The following SCCPDH variants were observed in gnomAD, a reference collection of about 807,000 sequenced individuals.
SCCPDH encodes the protein saccharopine dehydrogenase (putative), also known as saccharopine dehydrogenase-like oxidoreductase.
In SCCPDH, 34 loss-of-function variants were observed where a neutral mutation model predicts 51.5. That is an observed-to-expected ratio of 0.66 (90% CI 0.50 to 0.88). SCCPDH has a LOEUF of 0.88. Ranked by LOEUF, SCCPDH falls within the 40% of genes least tolerant of loss-of-function variation. The probability of loss-of-function intolerance (pLI) is 0.00; values close to 1 mark genes in which losing one functional copy is unlikely to be tolerated. For missense variants in SCCPDH, 464 were observed against 527.1 expected, an observed-to-expected ratio of 0.88 and a Z score of 1.17; for synonymous variants, 187 against 191.3, an observed-to-expected ratio of 0.98 and a Z score of 0.19.
intron 3 of SCCPDH, among the ~76,000 whole-genome samples, chr1:246,738,761 C>T (rs986659846): frequency 1.3e-5 from 2 of 151,580 alleles, no homozygotes; most frequent in African/African-American, 4.9e-5. Flanking sequence ...GCTGAGGCAG[C>T]AGAATCGCTT....
intron 1 of SCCPDH, among the ~76,000 whole-genome samples, chr1:246,725,038 G>A (rs1668371590): frequency 6.6e-6 from 1 of 152,130 alleles, no homozygotes; most frequent in East Asian, 1.9e-4. Flanking sequence ...GGAGATCGGA[G>A]TCTCCCTTTG....
At chr1:246,725,745 T>G (rs1322409958) in intron 1 of SCCPDH, among the ~76,000 whole-genome samples, 3 of 152,174 alleles carry the variant, frequency 2.0e-5, no homozygotes, top group African/African-American at 7.2e-5. Context: ...TCCATTTCTT[T>G]TTTCGGCTCA....
intron 2 of SCCPDH, among the ~76,000 whole-genome samples, chr1:246,728,083 G>A (rs558575613): frequency 6.6e-6 from 1 of 152,268 alleles, no homozygotes; most frequent in Admixed American, 6.5e-5. Flanking sequence ...ATTTTCAAAG[G>A]AGAACGGCTT....
At position 246,766,046 on chromosome 1, in the gene SCCPDH, T is replaced by C. The variant is rs980379800; in HGVS notation, c.1103-12T>C. ...ATTCCTTTCTTTTTCCCTGATCAAC[T>C]GTTTTCTGCAGAGGCTGGCTATGTG... On this transcript the variant is annotated splice_polypyrimidine_tract_variant and intron_variant, in intron 10 of 11. Transcript: ENST00000366510. 1 of 1,584,702 alleles carries C rather than the reference T, an allele frequency of 6.3e-7. No individual in the cohort carries two copies. The highest frequency in any genetic ancestry group is 1.8e-5 in the Admixed American group (1 of 54,628).
At chr1:246,727,228 C>T (rs2102978840) in intron 2 of SCCPDH, among the ~76,000 whole-genome samples, 1 of 152,262 alleles carries the variant, frequency 6.6e-6, no homozygotes, top group Middle Eastern at 3.4e-3. Context: ...TGTGTGCTGG[C>T]TTGTTGATTG....
chr1:246,743,955 G>C, intron 4 of SCCPDH, 121 bp from the exon 5 acceptor site: 2 of 588,626 alleles, frequency 3.4e-6, no homozygotes, highest in South Asian at 2.4e-5. Flanking sequence ...CAAATTTTCT[G>C]TGTCAGCTGT....
chr1:246,767,092 C>T, intron 11 of SCCPDH, 103 bp from the exon 12 acceptor site: 2 of 659,932 alleles, frequency 3.0e-6, no homozygotes, highest in Non-Finnish European at 4.8e-6. Flanking sequence ...ACCATGAAGA[C>T]TTGGGTTTTC....
intron 5 of SCCPDH, among the ~76,000 whole-genome samples, chr1:246,748,897 A>G (rs1274732718): frequency 6.6e-6 from 1 of 152,230 alleles, no homozygotes; most frequent in Non-Finnish European, 1.5e-5. Context: ...ACCACCACGC[A>G]CCTGCTCGAG....
At chr1:246,757,538 T>G (rs1481355630) in intron 5 of SCCPDH, among the ~76,000 whole-genome samples, 1 of 151,786 alleles carries the variant, frequency 6.6e-6, no homozygotes. Flanking sequence ...AGTGAATAAA[T>G]GAGAGTCTGA....
intron 4 of SCCPDH, among the ~76,000 whole-genome samples, chr1:246,741,768 T>A (rs1266917481): frequency 6.6e-6 from 1 of 152,144 alleles, no homozygotes; most frequent in Non-Finnish European, 1.5e-5. Context: ...AATAGTTTCC[T>A]ACATAATAAA....
At chr1:246,758,186 AC>A in intron 5 of SCCPDH, 39 bp from the exon 6 acceptor site, 1 of 1,487,704 alleles carries the variant, frequency 6.7e-7, no homozygotes, top group Non-Finnish European at 9.1e-7. Context: ...TTTAGTAACT[AC>A]CCTTTCATGT....
At chr1:246,734,069 G>A (rs760016726) in intron 2 of SCCPDH, among the ~76,000 whole-genome samples, 14 of 152,158 alleles carry the variant, frequency 9.2e-5, no homozygotes, top group Admixed American at 3.3e-4. Context: ...TATTTACAAT[G>A]CAAGTTACTG....
chr1:246,745,905 G>A (rs1668751192), intron 5 of SCCPDH, among the ~76,000 whole-genome samples: 1 of 151,804 alleles, frequency 6.6e-6, no homozygotes, highest in Non-Finnish European at 1.5e-5. Flanking sequence ...TCAGGAGATC[G>A]AGACCATCCT....
At chr1:246,765,243 A>G (rs1033573023) in intron 10 of SCCPDH, among the ~76,000 whole-genome samples, 25 of 152,068 alleles carry the variant, frequency 1.6e-4, no homozygotes, top group African/African-American at 5.6e-4. Context: ...ACTGTAGTAT[A>G]ATTACTGTCA....
At chr1:246,735,890 C>T in intron 2 of SCCPDH, 85 bp from the exon 3 acceptor site, 1 of 845,082 alleles carries the variant, frequency 1.2e-6, no homozygotes, top group South Asian at 1.5e-5. Flanking sequence ...ATAACTAGGA[C>T]TGTTTACTTC....
chr1:246,724,539 C>T lies in SCCPDH; in HGVS notation c.117C>T (p.Arg39=). 6.4e-7 allele frequency: 1 copy of T among 1,552,342 alleles called. No homozygotes were observed. Among genetic ancestry groups the T allele is most frequent in the Non-Finnish European group, 8.7e-7 (1 of 1,151,518 alleles). ...REQVDPERSS[R]LPWAVAGRSR... The stretch of plus-strand genomic sequence containing the variant: ...AGGTGGACCCGGAGCGGAGCTCCCG[C>T]CTGCCCTGGGCCGTGGCGGGCCGCT... Residue 39 remains arginine (R), a synonymous_variant, in exon 1 of 12, where the codon CGC becomes CGT. Coordinates refer to ENST00000366510, the MANE Select transcript of SCCPDH (RefSeq NM_016002.3).
chr1:246,756,714 TAA>T (rs1364981678), intron 5 of SCCPDH, among the ~76,000 whole-genome samples: 1 of 152,206 alleles, frequency 6.6e-6, no homozygotes, highest in African/African-American at 2.4e-5. Flanking sequence ...ACAGAAGAAA[TAA>T]ATCTGTACCA....
At position 246,758,316 on chromosome 1, in the gene SCCPDH, C is replaced by T. The variant is rs1290303547; in HGVS notation, c.655C>T (p.Leu219=). The part of the protein sequence containing the change: ...NLRKLRNVSN[L]KPVPLIGPKL... ...GAGAAAACTAAGAAATGTATCAAAT[C>T]TGAAACCTGTCCCGCTCATTGGTCC... The change falls in exon 6 of 12, where the codon CTG becomes TTG. Residue 219 remains leucine, a synonymous_variant. Coordinates refer to ENST00000366510, the MANE Select transcript of SCCPDH (RefSeq NM_016002.3). 1 of 1,610,290 alleles carries T rather than the reference C, an allele frequency of 6.2e-7. No homozygotes were observed. The highest frequency in any genetic ancestry group is 8.5e-7 in the Non-Finnish European group (1 of 1,178,398).
Position 246,747,535 on chromosome 1 carries a change from C to T in SCCPDH, c.564+3410C>T, listed in dbSNP as rs969170124. On this transcript the variant is annotated intron_variant, in intron 5 of 11. Transcript: ENST00000366510. Reference sequence around the variant, plus strand: ...ATTTTCAGTGCCGCAAAAGAAATAGCGCTGAAACATAAAATTTCTCAGCAA... The same window carrying T: ...ATTTTCAGTGCCGCAAAAGAAATAGTGCTGAAACATAAAATTTCTCAGCAA... 3.3e-5 allele frequency among the ~76,000 whole-genome samples: 5 copies of T among 152,150 alleles called. No homozygotes were observed. In the East Asian group the frequency reaches 7.7e-4, roughly 23 times the overall value.
Sources: allele counts gnomAD v4.1 joint callset (sites outside exome capture counted in the v4.1 genomes callset), GRCh38; gene constraint gnomAD v4.1.1; transcripts MANE v1.5; gene names NCBI Gene and HGNC (gene_info 2026-07-23, HGNC 2026-07-21).